SH3GLB1: variants seen among roughly 807,000 people sequenced by gnomAD.
The protein encoded by SH3GLB1 is endophilin-B1.
A neutral mutation model predicts 42.0 loss-of-function variants in SH3GLB1; 17 were observed. The observed-to-expected ratio is 0.40, with a 90% CI of 0.28 to 0.61. The LOEUF is 0.61. SH3GLB1 is among the 20% of genes least tolerant of loss of function. SH3GLB1 has a pLI of 0.36. For synonymous variants in SH3GLB1, 132 were observed against 146.6 expected (o/e 0.90, Z 0.72); for missense variants, 355 against 426.3 (o/e 0.83, Z 1.47).
chr1:86,743,175 G>A lies in SH3GLB1; in HGVS notation c.1038G>A (p.Met346Ile), dbSNP rs1442596792. ...TTGGAATGGATTCAGACTGGCTAAT[G>A]GGGGAAAGGGGAAACCAGAAGGGCA... is the stretch of plus-strand genomic sequence containing the variant. ...SVVGMDSDWL[M>I]GERGNQKGKV... The change falls in exon 9 of 9, where the codon ATG becomes ATA. Residue 346 changes from methionine (M) to isoleucine (I), a missense_variant. By Grantham distance (10) the Met-to-Ile change is conservative (BLOSUM62 1). Transcript: ENST00000370558. 1.2e-6 allele frequency: 2 copies of A among 1,613,156 alleles called. No homozygotes were observed. The highest frequency in any genetic ancestry group is 2.7e-5 in the African/African-American group (2 of 74,818).
In SH3GLB1 at chr1:86,744,619, C is replaced by G. The variant is rs1656212306; in HGVS notation, c.*1384C>G. 1 of 152,106 alleles carries G rather than the reference C, an allele frequency of 6.6e-6. No homozygotes were observed. The highest frequency in any genetic ancestry group is 1.5e-5 in the Non-Finnish European group (1 of 68,016). The allele number at this position is 152,106 out of a possible 1,614,324, so 9.4% of individuals were successfully genotyped here. A position where few individuals can be genotyped will look rare whatever the true frequency, so the allele number is the denominator to read the frequency against. On this transcript the variant is annotated 3_prime_UTR_variant, in exon 9 of 9. Coordinates refer to ENST00000370558, the MANE Select transcript of SH3GLB1 (RefSeq NM_016009.5). The stretch of plus-strand genomic sequence containing the variant: ...TGACAACTAAAGCAATTTACTCTAA[C>G]TTAAGCATGAAGTACAAAAGTATAG...
intron 4 of SH3GLB1, among the ~76,000 whole-genome samples, chr1:86,723,738 T>C (rs768056645): frequency 1.1e-4 from 16 of 152,200 alleles, no homozygotes; most frequent in Admixed American, 4.6e-4. Context: ...TTTGGTGCTA[T>C]GACACATTAA....
At chr1:86,705,234 TAA>T (rs1202359468) in intron 1 of SH3GLB1, among the ~76,000 whole-genome samples, 1 of 152,106 alleles carries the variant, frequency 6.6e-6, no homozygotes, top group Non-Finnish European at 1.5e-5. Flanking sequence ...TGGGGAACAC[TAA>T]GGCTGCACTG....
In SH3GLB1 at chr1:86,719,581, T is replaced by C. The variant is rs994610361; in HGVS notation, c.289T>C (p.Leu97=). The part of the protein sequence containing the change: ...APSRINNPEL[L]GQYMIDAGTE... The stretch of plus-strand genomic sequence containing the variant: ...AAGTCGTATAAACAACCCAGAACTT[T>C]TGGGACAATATATGATTGATGCAGG... The change falls in exon 3 of 9, where the codon TTG becomes CTG. Residue 97 remains leucine, a synonymous_variant. Transcript: ENST00000370558. The C allele has an allele frequency of 1.2e-6, 2 of 1,611,416 alleles. No homozygotes were observed. The highest frequency in any genetic ancestry group is 1.7e-6 in the Non-Finnish European group (2 of 1,178,728).
At chr1:86,713,911 A>G (rs1323738552) in intron 1 of SH3GLB1, among the ~76,000 whole-genome samples, 3 of 152,386 alleles carry the variant, frequency 2.0e-5, no homozygotes, top group Middle Eastern at 3.4e-3. Flanking sequence ...TCCTAAGAAC[A>G]GAAACCTTAT....
chr1:86,718,650 T>C (rs1010448115), intron 2 of SH3GLB1, among the ~76,000 whole-genome samples: 7 of 152,222 alleles, frequency 4.6e-5, no homozygotes, highest in African/African-American at 1.7e-4. Context: ...CCTATTTGAC[T>C]TAGCTTCAAT....
At chr1:86,735,540 C>T (rs1435530588) in intron 7 of SH3GLB1, among the ~76,000 whole-genome samples, 2 of 152,136 alleles carry the variant, frequency 1.3e-5, no homozygotes, top group Non-Finnish European at 2.9e-5. Flanking sequence ...ATTCATTACT[C>T]ATCTGTTTAC....
chr1:86,727,103 G>T (rs1655241320), intron 5 of SH3GLB1, among the ~76,000 whole-genome samples: 1 of 151,992 alleles, frequency 6.6e-6, no homozygotes, highest in South Asian at 2.1e-4. Flanking sequence ...TTTGTGCAAG[G>T]TACTGTACTG....
In SH3GLB1 at chr1:86,744,510, A is replaced by G. The variant is rs1221244623; in HGVS notation, c.*1275A>G. The G allele has an allele frequency of 6.6e-6, 1 of 152,146 alleles. No individual in the cohort carries two copies. The highest frequency in any genetic ancestry group is 2.4e-5 in the African/African-American group (1 of 41,434). 9.4% of individuals were successfully genotyped at this position (152,146 alleles called of 1,614,324 possible). On this transcript the variant is annotated 3_prime_UTR_variant, in exon 9 of 9. Coordinates refer to ENST00000370558, the MANE Select transcript of SH3GLB1 (RefSeq NM_016009.5). ...AGGTACTGTATTTGGGAGTCATGTA[A>G]CTCCAGTTTTGGGAGTGAGAGAGGG... is the stretch of plus-strand genomic sequence containing the variant.
rs2101994257 is a variant in SH3GLB1 at position 86,743,467 on chromosome 1, G to A, written c.*232G>A. ...TCTTACAAAATTCTCTTTTTATTGAGGTTTCACTAATAAGCAGCTTCTACT... is the reference window on the plus strand; with the variant it reads ...TCTTACAAAATTCTCTTTTTATTGAAGTTTCACTAATAAGCAGCTTCTACT... On this transcript the variant is annotated 3_prime_UTR_variant, in exon 9 of 9. Transcript: ENST00000370558. 1 of 292,366 alleles carries A rather than the reference G, an allele frequency of 3.4e-6. No individual in the cohort carries two copies. Among genetic ancestry groups the A allele is most frequent in the East Asian group, 5.8e-5 (1 of 17,308 alleles). The allele number at this position is 292,366 out of a possible 1,614,324, so 18.1% of individuals were successfully genotyped here.
chr1:86,730,658 C>T (rs1056297709), intron 5 of SH3GLB1, among the ~76,000 whole-genome samples: 2 of 151,920 alleles, frequency 1.3e-5, no homozygotes, highest in Non-Finnish European at 2.9e-5. Context: ...CGCCACCACG[C>T]CTGGCTAATT....
chr1:86,737,775 GA>G (rs1423657294), intron 7 of SH3GLB1, among the ~76,000 whole-genome samples: 1 of 152,166 alleles, frequency 6.6e-6, no homozygotes, highest in African/African-American at 2.4e-5. Flanking sequence ...TGGTGTACCG[GA>G]AAATATAGCA....
At chr1:86,723,938 C>A (rs940434909) in intron 4 of SH3GLB1, among the ~76,000 whole-genome samples, 5 of 152,194 alleles carry the variant, frequency 3.3e-5, no homozygotes, top group African/African-American at 1.2e-4. Flanking sequence ...TGTTTGGCAA[C>A]ATTTCTGGCT....
In SH3GLB1 at chr1:86,744,848, G is replaced by C. The variant is rs1468984071; in HGVS notation, c.*1613G>C. 1.3e-5 allele frequency: 2 copies of C among 152,142 alleles called. No homozygotes were observed. The highest frequency in any genetic ancestry group is 2.4e-5 in the African/African-American group (1 of 41,420). The allele number at this position is 152,142 out of a possible 1,614,324, so 9.4% of individuals were successfully genotyped here. On this transcript the variant is annotated 3_prime_UTR_variant, in exon 9 of 9. Coordinates refer to ENST00000370558, the MANE Select transcript of SH3GLB1 (RefSeq NM_016009.5). ...TCTGTGCCATGAGACAAATTCTTCT[G>C]CAGTTTTATAGTTGTACAAGATGTT... is the stretch of plus-strand genomic sequence containing the variant.
At chr1:86,740,720 T>C (rs994110071) in intron 7 of SH3GLB1, among the ~76,000 whole-genome samples, 1 of 152,126 alleles carries the variant, frequency 6.6e-6, no homozygotes, top group Admixed American at 6.6e-5. Flanking sequence ...GGATCAGGTA[T>C]GAAGTCACTA....
chr1:86,719,302 C>T (rs1654725091), intron 2 of SH3GLB1, among the ~76,000 whole-genome samples: 1 of 151,592 alleles, frequency 6.6e-6, no homozygotes, highest in Non-Finnish European at 1.5e-5. Flanking sequence ...GCTTTTGTGC[C>T]AAGATATTTT....
At position 86,743,265 on chromosome 1, in the gene SH3GLB1, A is replaced by G. The variant is rs1656150503; in HGVS notation, c.*30A>G. 1.4e-6 allele frequency: 2 copies of G among 1,471,302 alleles called. No individual in the cohort carries two copies. Among genetic ancestry groups the G allele is most frequent in the South Asian group, 1.2e-5 (1 of 80,708 alleles). 91.1% of individuals were successfully genotyped at this position (1,471,302 alleles called of 1,614,324 possible). A position where few individuals can be genotyped will look rare whatever the true frequency, so the allele number is the denominator to read the frequency against. On this transcript the variant is annotated 3_prime_UTR_variant, in exon 9 of 9. Coordinates refer to ENST00000370558, the MANE Select transcript of SH3GLB1 (RefSeq NM_016009.5). ...GTGGACTATGGAAAGGTTGCCCATC[A>G]TGACTTTGTATTTATATACAATTAA...
intron 3 of SH3GLB1, among the ~76,000 whole-genome samples, chr1:86,721,710 A>T (rs1654868765): frequency 1.3e-5 from 2 of 152,192 alleles, no homozygotes; most frequent in African/African-American, 4.8e-5. Context: ...GGATGTAGAA[A>T]CAGGACAAAT....
At chr1:86,715,159 C>T (rs566970086) in intron 1 of SH3GLB1, among the ~76,000 whole-genome samples, 3 of 152,258 alleles carry the variant, frequency 2.0e-5, no homozygotes, top group Admixed American at 2.0e-4. Flanking sequence ...ACATAAACCA[C>T]AATAAACATT....
Sources: allele counts gnomAD v4.1 joint callset (sites outside exome capture counted in the v4.1 genomes callset), GRCh38; gene constraint gnomAD v4.1.1; transcripts MANE v1.5; gene names NCBI Gene and HGNC (gene_info 2026-07-23, HGNC 2026-07-21).